The following KCNK13 variants were observed in gnomAD, a reference collection of about 807,000 sequenced individuals.
KCNK13 encodes potassium channel subfamily K member 13.
In KCNK13, 12 loss-of-function variants were observed where a neutral mutation model predicts 23.4. That is an observed-to-expected ratio of 0.51 (90% CI 0.33 to 0.83). The LOEUF is 0.83. Among genes scored for constraint, KCNK13 ranks in the 40% least tolerant of loss-of-function variants. The pLI, the probability that KCNK13 is intolerant of heterozygous loss-of-function variation, is 0.02. For missense variants in KCNK13, 463 were observed against 556.3 expected (o/e 0.83, Z 1.69); for synonymous variants, 231 against 229.5 (o/e 1.01, Z -0.06).
chr14:90,062,303 G>T lies in KCNK13; in HGVS notation c.98G>T (p.Gly33Val). 1 of 1,560,662 alleles carries T rather than the reference G, an allele frequency of 6.4e-7. No individual in the cohort carries two copies. Among genetic ancestry groups the T allele is most frequent in the Non-Finnish European group, 8.6e-7 (1 of 1,161,324 alleles). The change falls in exon 1 of 2, where the codon GGC (glycine) becomes GTC (valine). Residue 33 changes from glycine (G) to valine (V), a missense_variant. Around this residue, in one of 3 missense-constraint regions of KCNK13, gnomAD observed 153 missense variants for 153.6 expected, o/e 1.00. Transcript: ENST00000282146. This position sits in a 1 kb window ranked among gnomAD's most constrained non-coding sequence, Gnocchi z 4.5. ...LAALIVLYLL[G>V]GAAVFSALEL... ...GCGCTCATCGTGCTCTACCTGCTGG[G>T]CGGCGCCGCCGTCTTCTCCGCGCTG...
At chr14:90,120,697 A>G (rs1889728901) in intron 1 of KCNK13, among the ~76,000 whole-genome samples, 1 of 152,182 alleles carries the variant, frequency 6.6e-6, no homozygotes, top group Non-Finnish European at 1.5e-5. Flanking sequence ...ATTAAAATTT[A>G]CGATGAGATT....
intron 1 of KCNK13, among the ~76,000 whole-genome samples, chr14:90,080,273 G>A (rs1354495316): frequency 3.9e-5 from 6 of 152,202 alleles, no homozygotes; most frequent in African/African-American, 1.4e-4. Flanking sequence ...GGCCAACATG[G>A]TGAAACTCCA....
chr14:90,075,484 C>T (rs1303254532), intron 1 of KCNK13, among the ~76,000 whole-genome samples: 3 of 152,164 alleles, frequency 2.0e-5, no homozygotes, highest in Non-Finnish European at 4.4e-5. Context: ...GGTTTATGGA[C>T]TTTTCTTTTT....
chr14:90,136,107 G>A (rs1485611011), intron 1 of KCNK13, among the ~76,000 whole-genome samples: 1 of 152,090 alleles, frequency 6.6e-6, no homozygotes, highest in East Asian at 1.9e-4. Flanking sequence ...AGGAGATTGG[G>A]CTGGGAGTCA....
intron 1 of KCNK13, among the ~76,000 whole-genome samples, chr14:90,147,013 T>C (rs1360224732): frequency 6.6e-6 from 1 of 152,200 alleles, no homozygotes; most frequent in Non-Finnish European, 1.5e-5. Flanking sequence ...GTTTATAATA[T>C]ACATGTTAAC....
chr14:90,175,655 G>A (rs1290450803), intron 1 of KCNK13, among the ~76,000 whole-genome samples: 1 of 152,204 alleles, frequency 6.6e-6, no homozygotes, highest in East Asian at 1.9e-4. Context: ...GAAAGTCCCA[G>A]ACAGAAGATA....
In KCNK13 at chr14:90,108,029, C is replaced by T; in HGVS notation, c.334+45490C>T. 9.1e-6 allele frequency: 6 copies of T among 659,458 alleles called. No homozygotes were observed. In the South Asian group the frequency reaches 9.2e-5, roughly 10 times the overall value. The allele number at this position is 659,458 out of a possible 1,614,324, so 40.9% of individuals were successfully genotyped here. A position where few individuals can be genotyped will look rare whatever the true frequency, so the allele number is the denominator to read the frequency against. On this transcript the variant is annotated intron_variant, in intron 1 of 1. Coordinates refer to ENST00000282146, the MANE Select transcript of KCNK13 (RefSeq NM_022054.4). ...CAGGCCACACGCTGACTTTCCTCCT[C>T]AAGAGCTGGATGGCATTGCATGTGA...
At chr14:90,167,673 T>C (rs7159465) in intron 1 of KCNK13, among the ~76,000 whole-genome samples, 25,550 of 152,052 alleles carry the variant, frequency 0.17, 2,309 homozygotes, top group South Asian at 0.29. Flanking sequence ...GCTGAGGCAG[T>C]CCACCAAGCT....
At chr14:90,119,445 C>T (rs758414288) in intron 1 of KCNK13, among the ~76,000 whole-genome samples, 6 of 152,148 alleles carry the variant, frequency 3.9e-5, no homozygotes, top group Non-Finnish European at 7.4e-5. Flanking sequence ...TAATCCACCA[C>T]GATCAAGTAG....
At chr14:90,072,303 G>A (rs1269008862) in intron 1 of KCNK13, among the ~76,000 whole-genome samples, 5 of 152,142 alleles carry the variant, frequency 3.3e-5, no homozygotes, top group Admixed American at 3.3e-4. Flanking sequence ...CTCCTTGAAA[G>A]GGAAACACTG....
intron 1 of KCNK13, among the ~76,000 whole-genome samples, chr14:90,146,077 T>C (rs1890069787): frequency 6.6e-6 from 1 of 152,226 alleles, no homozygotes; most frequent in South Asian, 2.1e-4. Context: ...TTTTCAGTTA[T>C]AATTGCAAAT....
intron 1 of KCNK13, among the ~76,000 whole-genome samples, chr14:90,063,887 G>T (rs925163957): frequency 7.9e-5 from 12 of 152,186 alleles, no homozygotes; most frequent in Admixed American, 7.2e-4. Context: ...GGGACACACC[G>T]GCTGTATCTG....
At chr14:90,174,960 G>T (rs1457255598) in intron 1 of KCNK13, among the ~76,000 whole-genome samples, 1 of 152,164 alleles carries the variant, frequency 6.6e-6, no homozygotes, top group Non-Finnish European at 1.5e-5. Flanking sequence ...CCTCCAGGAT[G>T]CTCAGGAAGA....
At chr14:90,082,260 T>C (rs1407781087) in intron 1 of KCNK13, among the ~76,000 whole-genome samples, 1 of 151,870 alleles carries the variant, frequency 6.6e-6, no homozygotes. Flanking sequence ...AGACAGGGTT[T>C]TGTCATGTTG....
At chr14:90,097,336 C>T (rs998427857) in intron 1 of KCNK13, among the ~76,000 whole-genome samples, 10 of 152,268 alleles carry the variant, frequency 6.6e-5, no homozygotes, top group Middle Eastern at 3.4e-3. Flanking sequence ...AGCAGACAGG[C>T]ATGAACCCCA....
At chr14:90,087,119 TATATATATAC>T (rs1428553234) in intron 1 of KCNK13, among the ~76,000 whole-genome samples, 4 of 119,690 alleles carry the variant, frequency 3.3e-5, no homozygotes, top group Non-Finnish European at 5.0e-5. Flanking sequence ...TATATATACA[TATATATATAC>T]ATATATATAT....
At chr14:90,102,531 T>C (rs1889494279) in intron 1 of KCNK13, among the ~76,000 whole-genome samples, 1 of 152,214 alleles carries the variant, frequency 6.6e-6, no homozygotes, top group Non-Finnish European at 1.5e-5. Context: ...CAGGATGTTG[T>C]CTTCTCTCCT....
At chr14:90,135,609 T>A (rs1889926981) in intron 1 of KCNK13, among the ~76,000 whole-genome samples, 1 of 152,128 alleles carries the variant, frequency 6.6e-6, no homozygotes, top group Admixed American at 6.5e-5. Context: ...TGGCCTGTAA[T>A]GTCATTGGCA....
chr14:90,181,155 C>T (rs1385114048), intron 1 of KCNK13, among the ~76,000 whole-genome samples: 1 of 152,194 alleles, frequency 6.6e-6, no homozygotes, highest in Non-Finnish European at 1.5e-5. Flanking sequence ...ATGCCCAGCC[C>T]ACTGTGGCTT....
Sources: gnomAD v4.1 joint callset for allele counts (sites outside exome capture counted in the v4.1 genomes callset) on GRCh38, gnomAD v4.1.1 for gene constraint, gnomAD v4.1.1 regional missense constraint, Gnocchi (gnomAD v3.1) non-coding constraint, MANE v1.5 for transcripts, NCBI Gene and HGNC (gene_info 2026-07-23, HGNC 2026-07-21) for gene names.